Variants in TENM3 observed in about 807,000 individuals in gnomAD.
TENM3 encodes the protein teneurin-3.
Under a neutral mutation model 255.1 loss-of-function variants are expected in TENM3, and 63 were observed. The ratio of observed to expected loss-of-function variants is 0.25; its 90% CI spans 0.20 to 0.30. TENM3 has a LOEUF of 0.30. TENM3 is among the 10% of genes least tolerant of loss of function. TENM3 has a pLI of 1.00. For synonymous variants in TENM3, 1,306 were observed against 1,322.3 expected (o/e 0.99, Z 0.27); for missense variants, 2,929 against 3,461.1 (o/e 0.85, Z 3.86).
Position 182,792,133 on chromosome 4 carries a change from A to G in TENM3, c.5602-141A>G, listed in dbSNP as rs886183851. 3.6e-6 allele frequency: 3 copies of G among 824,062 alleles called. No homozygotes were observed. The African/African-American group carries it at 5.1e-5, about 14-fold the overall frequency. The allele number at this position is 824,062 out of a possible 1,614,324, so 51.0% of individuals were successfully genotyped here. On this transcript the variant is annotated intron_variant, in intron 25 of 27. Transcript: ENST00000511685. The surrounding 1 kb of genome is among the most constrained non-coding windows in gnomAD (Gnocchi z 6.3). ...GCAAATTAGGCAGAGAAACGTTAAC[A>G]ACACGCAAGGTCAAGGATAACTCAA...
the TENM3 span, among the ~76,000 whole-genome samples, chr4:181,490,550 C>T: frequency 3.3e-5 from 5 of 152,130 alleles, no homozygotes. Flanking sequence ...GGACTAATTG[C>T]CCTAATCCCG....
the TENM3 span, among the ~76,000 whole-genome samples, chr4:181,637,993 G>C: frequency 2.0e-5 from 3 of 152,148 alleles, no homozygotes; most frequent in Non-Finnish European, 4.4e-5. Flanking sequence ...TGGACCACAC[G>C]CAGGCATTTT....
At chr4:182,286,087 C>T (rs896682832) in intron 1 of TENM3, among the ~76,000 whole-genome samples, 2 of 152,118 alleles carry the variant, frequency 1.3e-5, no homozygotes, top group African/African-American at 4.8e-5. Flanking sequence ...TTCTGGTTGG[C>T]AGCTGGCCTC....
chr4:182,576,405 G>GA (rs1744924489), intron 3 of TENM3, among the ~76,000 whole-genome samples: 1 of 152,038 alleles, frequency 6.6e-6, no homozygotes, highest in Non-Finnish European at 1.5e-5. Flanking sequence ...GCACTCATAA[G>GA]AAAAAAATAA....
At chr4:182,136,848 G>T in the TENM3 span, among the ~76,000 whole-genome samples, 1 of 152,188 alleles carries the variant, frequency 6.6e-6, no homozygotes. Flanking sequence ...AAAAGAGCTA[G>T]TCTTGACGCC....
At chr4:181,475,519 G>A in the TENM3 span, among the ~76,000 whole-genome samples, 2 of 152,164 alleles carry the variant, frequency 1.3e-5, no homozygotes, top group African/African-American at 4.8e-5. Context: ...GATGAGAGGG[G>A]TTTTAGGTCA....
the TENM3 span, among the ~76,000 whole-genome samples, chr4:181,514,032 C>A: frequency 3.3e-5 from 5 of 152,078 alleles, no homozygotes; most frequent in Admixed American, 1.3e-4. Context: ...TAAAGAAATA[C>A]CACAAGCACA....
intron 16 of TENM3, among the ~76,000 whole-genome samples, chr4:182,732,071 G>A (rs112164448): frequency 0.15 from 23,444 of 151,846 alleles, 2,116 homozygotes; most frequent in Non-Finnish European, 0.21. Context: ...GTGAGCCACC[G>A]CACCCGGCCT....
the TENM3 span, among the ~76,000 whole-genome samples, chr4:181,595,523 G>C: frequency 2.6e-5 from 4 of 151,690 alleles, no homozygotes; most frequent in South Asian, 6.2e-4. Flanking sequence ...AGTGTGGTAG[G>C]AGGACCAGCA....
At chr4:181,833,208 A>G in the TENM3 span, among the ~76,000 whole-genome samples, 2 of 152,270 alleles carry the variant, frequency 1.3e-5, no homozygotes, top group East Asian at 1.9e-4. Context: ...ATCAGAGATC[A>G]CTGGCGCTGG....
chr4:181,493,759 TA>T, the TENM3 span, among the ~76,000 whole-genome samples: 1 of 151,860 alleles, frequency 6.6e-6, no homozygotes, highest in Non-Finnish European at 1.5e-5. Context: ...AGTAATAAAA[TA>T]AAATAAAGTT....
At chr4:182,318,418 T>G (rs999586621) in intron 1 of TENM3, among the ~76,000 whole-genome samples, 2 of 152,220 alleles carry the variant, frequency 1.3e-5, no homozygotes, top group African/African-American at 4.8e-5. Context: ...ATTAGGAACA[T>G]GTTATAAAAC....
At position 182,539,363 on chromosome 4, in the gene TENM3, C is replaced by T. The variant is rs575041859; in HGVS notation, c.512-61561C>T. Among the ~76,000 whole-genome samples, 7 of 152,110 alleles carry T rather than the reference C, an allele frequency of 4.6e-5. No individual in the cohort carries two copies. The East Asian group carries it at 1.4e-3, about 30-fold the overall frequency. ...GAGAATACTGATGAGCTAGCAGTGA[C>T]TTCTCCGGAGGGATGGGAGTGGAAG... On this transcript the variant is annotated intron_variant, in intron 3 of 27. Coordinates refer to ENST00000511685, the MANE Select transcript of TENM3 (RefSeq NM_001080477.4).
chr4:181,876,073 A>G, the TENM3 span, among the ~76,000 whole-genome samples: 1 of 152,250 alleles, frequency 6.6e-6, no homozygotes, highest in Admixed American at 6.5e-5. Context: ...TTGAGAGCTT[A>G]GTAAACATGA....
chr4:182,755,620 C>T (rs925538325), intron 22 of TENM3, among the ~76,000 whole-genome samples: 7 of 152,040 alleles, frequency 4.6e-5, no homozygotes, highest in Non-Finnish European at 1.0e-4. Context: ...GGGCGGATCA[C>T]GAGGTCAGAA....
At chr4:181,480,388 A>G in the TENM3 span, among the ~76,000 whole-genome samples, 1 of 152,120 alleles carries the variant, frequency 6.6e-6, no homozygotes, top group South Asian at 2.1e-4. Flanking sequence ...ACAAGGTTAA[A>G]ATCAACCATT....
chr4:181,588,938 GTCTCCAGTTC>G, the TENM3 span, among the ~76,000 whole-genome samples: 1 of 152,098 alleles, frequency 6.6e-6, no homozygotes, highest in Admixed American at 6.6e-5. Flanking sequence ...AATTGTTTAG[GTCTCCAGTTC>G]TAGCGGCTAT....
chr4:182,300,239 C>T (rs1172034029), intron 1 of TENM3, among the ~76,000 whole-genome samples: 3 of 144,610 alleles, frequency 2.1e-5, no homozygotes, highest in South Asian at 2.4e-4. Context: ...TTATGAGAAT[C>T]GTTTTCTTCA....
chr4:182,053,084 G>A, the TENM3 span, among the ~76,000 whole-genome samples: 3 of 152,086 alleles, frequency 2.0e-5, no homozygotes, highest in Non-Finnish European at 4.4e-5. Flanking sequence ...CTCCTGACTA[G>A]CTGGGACTAC....
Sources: allele counts gnomAD v4.1 joint callset (sites outside exome capture counted in the v4.1 genomes callset), GRCh38; gene constraint gnomAD v4.1.1; non-coding constraint Gnocchi (gnomAD v3.1); transcripts MANE v1.5; gene names NCBI Gene and HGNC (gene_info 2026-07-23, HGNC 2026-07-21).